Variants in PRDM16 observed in about 807,000 individuals in gnomAD.
The protein encoded by PRDM16 is PR/SET domain 16, also known as histone-lysine N-methyltransferase PRDM16.
In PRDM16, 23 loss-of-function variants were observed where a neutral mutation model predicts 110.6. The ratio of observed to expected loss-of-function variants is 0.21; its 90% confidence interval spans 0.15 to 0.29. The LOEUF (loss-of-function observed/expected upper bound fraction) is 0.29. PRDM16 is among the 10% of genes least tolerant of loss of function. The pLI, the probability that PRDM16 is intolerant of heterozygous loss-of-function variation, is 1.00. For synonymous variants in PRDM16, 799 were observed against 781.8 expected (o/e 1.02, Z -0.37); for missense variants, 1,615 against 1,794.3 (o/e 0.90, Z 1.81).
chr1:3,383,605 C>T (rs12723712), intron 3 of PRDM16, among the ~76,000 whole-genome samples: 17,341 of 152,132 alleles, frequency 0.11, 1,038 homozygotes, highest in Non-Finnish European at 0.14. Context: ...GCACCAGGCC[C>T]GAGATGGCTA....
intron 3 of PRDM16, among the ~76,000 whole-genome samples, chr1:3,250,135 A>G (rs1401192297): frequency 3.3e-5 from 1 of 30,090 alleles, no homozygotes; most frequent in African/African-American, 1.3e-4. Context: ...CCCCCACCCC[A>G]CTCCCAGGAT....
At chr1:3,140,532 T>C (rs1389018692) in intron 1 of PRDM16, among the ~76,000 whole-genome samples, 1 of 152,256 alleles carries the variant, frequency 6.6e-6, no homozygotes, top group Non-Finnish European at 1.5e-5. Flanking sequence ...CTGATGTGTT[T>C]ATTTTTCATT....
rs1446058291 is a variant in PRDM16, at chr1:3,255,813, C to T, written c.438+11676C>T. 7.9e-6 allele frequency among the ~76,000 whole-genome samples: 1 copy of T among 126,474 alleles called. No homozygotes were observed. Among genetic ancestry groups the T allele is most frequent in the Non-Finnish European group, 1.8e-5 (1 of 54,810 alleles). 83.0% of individuals were successfully genotyped at this position (126,474 alleles called of 152,430 possible). A position where few individuals can be genotyped will look rare whatever the true frequency, so the allele number is the denominator to read the frequency against. On this transcript the variant is annotated intron_variant, in intron 3 of 16. Transcript: ENST00000270722. The surrounding 1 kb of genome is among the most constrained non-coding windows in gnomAD (Gnocchi z 4.7). ...CTTAGGCCTTGGCTCAGAATGAACC[C>T]ATTGTCACTTGTGCCCAAAGCCAAT...
rs12042792 is a variant in PRDM16 at position 3,321,085 on chromosome 1, G to A, written c.439-64067G>A. ...ATCACTTACCATGGGAGCTGCGTGG[G>A]TGTGATTTGTGCAAGACCAGGGGAC... is the stretch of plus-strand genomic sequence containing the variant. On this transcript the variant is annotated intron_variant, in intron 3 of 16. Coordinates refer to ENST00000270722, the MANE Select transcript of PRDM16 (RefSeq NM_022114.4). Among the ~76,000 whole-genome samples, 121 of 152,336 alleles carry A rather than the reference G, an allele frequency of 7.9e-4. 5 individuals carry two copies. In the East Asian group the frequency reaches 0.021, roughly 27 times the overall value.
chr1:3,117,410 C>T (rs909783606), intron 1 of PRDM16, among the ~76,000 whole-genome samples: 9 of 152,044 alleles, frequency 5.9e-5, no homozygotes, highest in South Asian at 2.1e-4. Context: ...TGGGAGCTGG[C>T]GGGTGAGAAC....
rs1008057599 is a variant in PRDM16 at position 3,417,048 on chromosome 1, C to T, written c.2692-780C>T. ...CTCCTGTCGCTATTGTCAGAGACCT[C>T]AGTGGGGCCAGGACAGTCTGGGATT... On this transcript the variant is annotated intron_variant, in intron 10 of 16. Coordinates refer to ENST00000270722, the MANE Select transcript of PRDM16 (RefSeq NM_022114.4). 3.0e-4 allele frequency among the ~76,000 whole-genome samples: 46 copies of T among 152,318 alleles called. 1 individual carries two copies. The highest frequency in any genetic ancestry group is 1.1e-3 in the African/African-American group (45 of 41,576).
Position 3,221,579 on chromosome 1 carries a change from G to A in PRDM16, c.388-22508G>A, listed in dbSNP as rs534274941. Among the ~76,000 whole-genome samples, 12 of 152,318 alleles carry A rather than the reference G, an allele frequency of 7.9e-5. No homozygotes were observed. The South Asian group carries it at 8.3e-4, about 11-fold the overall frequency. ...CAGAGAAGTCTGGCTTCCAATGAACGTCATGCACTGCGCTTGCTTGGAGAG... is the reference window on the plus strand; with the variant it reads ...CAGAGAAGTCTGGCTTCCAATGAACATCATGCACTGCGCTTGCTTGGAGAG... On this transcript the variant is annotated intron_variant, in intron 2 of 16. Transcript: ENST00000270722.
intron 14 of PRDM16, among the ~76,000 whole-genome samples, chr1:3,429,471 G>A (rs529999449): frequency 6.6e-6 from 1 of 152,348 alleles, no homozygotes; most frequent in East Asian, 1.9e-4. Context: ...CACAGCACAT[G>A]CCCATGTGAT....
chr1:3,194,767 T>C (rs1638421431), intron 2 of PRDM16, among the ~76,000 whole-genome samples: 1 of 148,704 alleles, frequency 6.7e-6, no homozygotes, highest in African/African-American at 2.5e-5. Context: ...GGGCTTGGTA[T>C]TCTCAGTCCC....
At chr1:3,301,435 G>A (rs536508027) in intron 3 of PRDM16, among the ~76,000 whole-genome samples, 2 of 152,100 alleles carry the variant, frequency 1.3e-5, no homozygotes, top group African/African-American at 4.8e-5. Flanking sequence ...TTGTAGTTGG[G>A]GATATGTGCT....
At position 3,209,851 on chromosome 1, in the gene PRDM16, A is replaced by C. The variant is rs575887464; in HGVS notation, c.387+23377A>C. On this transcript the variant is annotated intron_variant, in intron 2 of 16. Transcript: ENST00000270722. The surrounding 1 kb of genome is among the most constrained non-coding windows in gnomAD (Gnocchi z 4.6). ...GGATCTAAGACGGGCATGCTGGAAA[A>C]GTAGTGACAGTTATTTGCCTCCTGA... Among the ~76,000 whole-genome samples the C allele has an allele frequency of 6.6e-6, 1 of 152,352 alleles. No individual in the cohort carries two copies. Among genetic ancestry groups the C allele is most frequent in the South Asian group, 2.1e-4 (1 of 4,832 alleles).
chr1:3,409,113 G>A (rs946377218), intron 8 of PRDM16, among the ~76,000 whole-genome samples: 3 of 151,016 alleles, frequency 2.0e-5, no homozygotes, highest in African/African-American at 7.3e-5. Context: ...GCGAGTGTGG[G>A]CGTGTGAGTT....
intron 1 of PRDM16, among the ~76,000 whole-genome samples, chr1:3,177,895 G>C (rs950052189): frequency 6.6e-6 from 1 of 152,236 alleles, no homozygotes; most frequent in Non-Finnish European, 1.5e-5. Context: ...TTCACATCTC[G>C]AGGTGGCCTT....
At chr1:3,117,958 T>C (rs1438768493) in intron 1 of PRDM16, among the ~76,000 whole-genome samples, 1 of 152,126 alleles carries the variant, frequency 6.6e-6, no homozygotes, top group East Asian at 1.9e-4. Flanking sequence ...CACGTGTGTG[T>C]GCATGCATGC....
At chr1:3,229,944 G>A (rs1438148216) in intron 2 of PRDM16, among the ~76,000 whole-genome samples, 4 of 152,210 alleles carry the variant, frequency 2.6e-5, no homozygotes, top group Middle Eastern at 3.2e-3. Context: ...GCAAAATAAA[G>A]CTGCAGCTCC....
intron 2 of PRDM16, among the ~76,000 whole-genome samples, chr1:3,194,247 C>T (rs1638396758): frequency 6.6e-6 from 1 of 152,214 alleles, no homozygotes; most frequent in South Asian, 2.1e-4. Context: ...ACTCAGCAGA[C>T]AACCGGCTCA....
intron 8 of PRDM16, among the ~76,000 whole-genome samples, chr1:3,410,001 T>G (rs778741715): frequency 6.2e-5 from 8 of 129,838 alleles, no homozygotes; most frequent in East Asian, 2.5e-4. Flanking sequence ...GTGTGGGGGG[T>G]GTGCATGTGT....
chr1:3,249,774 GTC>G (rs1344703119), intron 3 of PRDM16, among the ~76,000 whole-genome samples: 1 of 152,250 alleles, frequency 6.6e-6, no homozygotes, highest in Non-Finnish European at 1.5e-5. Flanking sequence ...TTGACAACAT[GTC>G]TCTCTTTCCA....
At chr1:3,385,436 G>C in intron 4 of PRDM16, 150 bp downstream of exon 4, 1 of 853,584 alleles carries the variant, frequency 1.2e-6, no homozygotes, top group Non-Finnish European at 1.8e-6. Context: ...GGTGCTGTTT[G>C]GTGCTTGGCC....
Sources: gnomAD v4.1 joint callset for allele counts (sites outside exome capture counted in the v4.1 genomes callset) on GRCh38, gnomAD v4.1.1 for gene constraint, Gnocchi (gnomAD v3.1) non-coding constraint, MANE v1.5 for transcripts, NCBI Gene and HGNC (gene_info 2026-07-23, HGNC 2026-07-21) for gene names.